The following ABCA10 variants were observed in gnomAD, a reference collection of about 807,000 sequenced individuals.
ABCA10 encodes ATP-binding cassette sub-family A member 10.
In ABCA10, 169 loss-of-function variants were observed where a neutral mutation model predicts 187.5. The observed-to-expected ratio is 0.90, with a 90% CI of 0.80 to 1.02. The LOEUF (loss-of-function observed/expected upper bound fraction) is 1.02, where lower values mean the gene tolerates loss of function less well. Ranked by LOEUF, ABCA10 falls within the 50% of genes least tolerant of loss-of-function variation. The pLI, the probability that ABCA10 is intolerant of heterozygous loss-of-function variation, is 0.00. For synonymous variants in ABCA10, 574 were observed against 601.8 expected (o/e 0.95, Z 0.68); for missense variants, 1,727 against 1,812.4 (o/e 0.95, Z 0.86).
chr17:69,224,351 G>C (rs988177106), intron 3 of ABCA10, among the ~76,000 whole-genome samples: 3 of 152,072 alleles, frequency 2.0e-5, no homozygotes, highest in Non-Finnish European at 4.4e-5. Context: ...AGGATGAAAT[G>C]GCCAATGTTC....
chr17:69,149,181 A>G, intron 37 of ABCA10, 93 bp from the exon 38 acceptor site: 1 of 1,348,624 alleles, frequency 7.4e-7, no homozygotes, highest in Non-Finnish European at 1.1e-6. Flanking sequence ...CAAATTGTTT[A>G]GATACTGTAA....
intron 22 of ABCA10, among the ~76,000 whole-genome samples, chr17:69,176,855 C>T (rs1327374907): frequency 6.6e-6 from 1 of 152,120 alleles, no homozygotes; most frequent in African/African-American, 2.4e-5. Flanking sequence ...CCGCAGAAAG[C>T]AAAATCATAG....
intron 9 of ABCA10, among the ~76,000 whole-genome samples, chr17:69,211,330 T>TGTGTATATATATATCTTATATATACATC (rs2074651891): frequency 3.7e-5 from 4 of 107,412 alleles, no homozygotes; most frequent in African/African-American, 1.5e-4. Flanking sequence ...TATATATATA[T>TGTGTATATATATATCTTATATATACATC]ATATATATAT....
At chr17:69,190,304 CTTT>C in intron 18 of ABCA10, 51 bp downstream of exon 18, 1 of 1,489,182 alleles carries the variant, frequency 6.7e-7, no homozygotes, top group Non-Finnish European at 8.9e-7. Context: ...AGAACATCAT[CTTT>C]TTCTCTTCTC....
intron 23 of ABCA10, 106 bp downstream of exon 23, chr17:69,175,300 A>C (rs779570078): frequency 1.0e-6 from 1 of 960,474 alleles, no homozygotes; most frequent in Non-Finnish European, 1.5e-6. Context: ...TGTATGTGTA[A>C]AAACATTAAC....
At chr17:69,190,702 T>C (rs2074453362) in intron 17 of ABCA10, among the ~76,000 whole-genome samples, 1 of 152,052 alleles carries the variant, frequency 6.6e-6, no homozygotes. Context: ...AATTCTTGTA[T>C]CATTATTGCT....
chr17:69,157,445 C>A (rs1306445676), intron 27 of ABCA10, among the ~76,000 whole-genome samples: 1 of 152,108 alleles, frequency 6.6e-6, no homozygotes, highest in African/African-American at 2.4e-5. Context: ...AAAGAACCCT[C>A]AGGATATTGC....
At chr17:69,199,003 T>A (rs1333176832) in intron 10 of ABCA10, among the ~76,000 whole-genome samples, 2 of 152,204 alleles carry the variant, frequency 1.3e-5, no homozygotes, top group East Asian at 3.9e-4. Context: ...AACCTCTCTC[T>A]TTTCTTGTAC....
At chr17:69,185,003 CTGGA>C (rs1381530887) in intron 20 of ABCA10, among the ~76,000 whole-genome samples, 3 of 151,688 alleles carry the variant, frequency 2.0e-5, no homozygotes, top group Admixed American at 2.0e-4. Flanking sequence ...TTGTAGCAAC[CTGGA>C]TGGAGTTGGA....
At chr17:69,155,738 C>A in intron 29 of ABCA10, 67 bp downstream of exon 29, 1 of 1,520,170 alleles carries the variant, frequency 6.6e-7, no homozygotes, top group Non-Finnish European at 8.8e-7. Context: ...TAAAAACCAA[C>A]ATCTCATCAA....
chr17:69,193,251 A>G lies in ABCA10; in HGVS notation c.1642-3T>C, dbSNP rs1199200264. 1.2e-6 allele frequency: 2 copies of G among 1,610,498 alleles called. No individual in the cohort carries two copies. The highest frequency in any genetic ancestry group is 1.1e-5 in the South Asian group (1 of 90,158). On this transcript the variant is annotated splice_polypyrimidine_tract_variant and splice_region_variant and intron_variant, in intron 14 of 38. Coordinates refer to ENST00000690296, the MANE Select transcript of ABCA10 (RefSeq NM_001377321.1). ...GTTGGTTCATCTAGCAGCAAAACCT[A>G]CAGAGGAGGAAACGTATGAAAGCAT... is the stretch of plus-strand genomic sequence containing the variant.
chr17:69,207,082 C>T (rs1042094807), intron 9 of ABCA10, among the ~76,000 whole-genome samples: 3 of 151,954 alleles, frequency 2.0e-5, no homozygotes, highest in Non-Finnish European at 4.4e-5. Context: ...GAGCAAAGGA[C>T]CTAAATAAAC....
chr17:69,188,598 C>T (rs540428187), intron 18 of ABCA10, among the ~76,000 whole-genome samples: 3 of 151,354 alleles, frequency 2.0e-5, no homozygotes, highest in Non-Finnish European at 4.4e-5. Flanking sequence ...GAGTAAATTG[C>T]GTGTCATGGG....
chr17:69,152,112 T>G lies in ABCA10; in HGVS notation c.4328A>C (p.Glu1443Ala). ...GTGGAGAGCTTCCACCTGGGTAGGT[T>G]CTTTCATTTTTATTTCTAGTAAATA... ...RDYLLEIKMK[E>A]PTQVEALHTE... Residue 1443 changes from glutamate to alanine, a missense_variant, in exon 36 of 39, where the codon GAA (glutamate) becomes GCA (alanine). Glu to Ala is a moderately radical substitution (Grantham distance 107). Coordinates refer to ENST00000690296, the MANE Select transcript of ABCA10 (RefSeq NM_001377321.1). 1 of 1,613,922 alleles carries G rather than the reference T, an allele frequency of 6.2e-7. No homozygotes were observed. The highest frequency in any genetic ancestry group is 8.5e-7 in the Non-Finnish European group (1 of 1,179,950).
At chr17:69,188,655 G>A (rs2074439251) in intron 18 of ABCA10, among the ~76,000 whole-genome samples, 1 of 151,634 alleles carries the variant, frequency 6.6e-6, no homozygotes, top group Admixed American at 6.6e-5. Context: ...CAGGTAATCA[G>A]CATAATACCC....
At chr17:69,154,420 CTTTTT>C (rs56142812) in intron 30 of ABCA10, 94 bp from the exon 31 acceptor site, 368 of 462,764 alleles carry the variant, frequency 8.0e-4, no homozygotes, top group Middle Eastern at 1.5e-3. Context: ...AACAAAATGA[CTTTTT>C]TTTTTTTTTT....
At chr17:69,242,908 T>G (rs1049405606) in intron 1 of ABCA10, among the ~76,000 whole-genome samples, 14 of 152,186 alleles carry the variant, frequency 9.2e-5, no homozygotes, top group African/African-American at 3.4e-4. Context: ...AAACTTAGAT[T>G]GGGTTAACTC....
chr17:69,215,622 T>C, intron 8 of ABCA10, 193 bp downstream of exon 8: 1 of 494,108 alleles, frequency 2.0e-6, no homozygotes, highest in Non-Finnish European at 3.3e-6. Context: ...TTTGCTAGGA[T>C]TTTACAAATG....
At chr17:69,149,168 C>A in intron 37 of ABCA10, 80 bp from the exon 38 acceptor site, 1 of 1,490,358 alleles carries the variant, frequency 6.7e-7, no homozygotes, top group Non-Finnish European at 9.3e-7. Flanking sequence ...GAGACAGTAG[C>A]TTCAAATTGT....
Sources: allele counts gnomAD v4.1 joint callset (sites outside exome capture counted in the v4.1 genomes callset), GRCh38; gene constraint gnomAD v4.1.1; transcripts MANE v1.5; gene names NCBI Gene and HGNC (gene_info 2026-07-23, HGNC 2026-07-21).